The following ZNF573 variants were observed in gnomAD, a reference collection of about 807,000 sequenced individuals.
The protein encoded by ZNF573 is zinc finger protein 573.
In ZNF573, 41 loss-of-function variants were observed where a neutral mutation model predicts 57.4. The observed-to-expected ratio is 0.71, with a 90% CI of 0.56 to 0.93. The LOEUF (loss-of-function observed/expected upper bound fraction) is 0.93. ZNF573 is among the 40% of genes least tolerant of loss of function. The pLI is 0.00. For synonymous variants in ZNF573, 249 were observed against 261.0 expected, an observed-to-expected ratio of 0.95 and a Z score of 0.44; for missense variants, 730 against 794.8, an observed-to-expected ratio of 0.92 and a Z score of 0.98.
At chr19:37,760,447 TA>T (rs2045540099) in intron 4 of ZNF573, among the ~76,000 whole-genome samples, 1 of 152,138 alleles carries the variant, frequency 6.6e-6, no homozygotes, top group African/African-American at 2.4e-5. Flanking sequence ...ACTCATGGAA[TA>T]AAATAAACAT....
intron 4 of ZNF573, among the ~76,000 whole-genome samples, chr19:37,761,635 G>A (rs1334280778): frequency 1.3e-5 from 2 of 152,148 alleles, no homozygotes; most frequent in Admixed American, 6.5e-5. Context: ...CCCCCATTCC[G>A]GAAGGAAGGA....
At chr19:37,747,831 C>A (rs942623516) in intron 4 of ZNF573, among the ~76,000 whole-genome samples, 2 of 152,034 alleles carry the variant, frequency 1.3e-5, no homozygotes, top group Non-Finnish European at 2.9e-5. Flanking sequence ...GGACTACAGG[C>A]GCCTGACACC....
Position 37,738,684 on chromosome 19 carries a change from T to G in ZNF573, c.1806A>C (p.Lys602Asn), listed in dbSNP as rs1233425623. The G allele has an allele frequency of 6.2e-7, 1 of 1,610,508 alleles. No individual in the cohort carries two copies. Among genetic ancestry groups the G allele is most frequent in the East Asian group, 2.2e-5 (1 of 44,780 alleles). ...CATAAGGTTTTCCACCAGTATGAAT[T>G]TTCTGATGTTGGGTAAGGTAGCCAT... is the stretch of plus-strand genomic sequence containing the variant. The part of the protein sequence containing the change: ...KMYGYLTQHQ[K>N]IHTGGKPYEC... The change falls in exon 5 of 5, where the codon AAA (lysine) becomes AAC (asparagine). Residue 602 changes from lysine to asparagine, a missense_variant. Lys to Asn is a moderately conservative substitution (Grantham distance 94, BLOSUM62 0). Transcript: ENST00000536220.
rs1220200742 is a variant in ZNF573 at position 37,739,288 on chromosome 19, A to T, written c.1202T>A (p.Leu401His). 1 of 1,613,930 alleles carries T rather than the reference A, an allele frequency of 6.2e-7. No homozygotes were observed. Among genetic ancestry groups the T allele is most frequent in the Non-Finnish European group, 8.5e-7 (1 of 1,180,012 alleles). Residue 401 changes from leucine to histidine, a missense_variant, in exon 5 of 5, where the codon CTC (leucine) becomes CAC (histidine). Transcript: ENST00000536220. ...AGTATGAGTTTTCTGATGTTGAAAGAGTTTTGAACCAGTAGTATAGGTCTT... is the reference window on the plus strand; with the variant it reads ...AGTATGAGTTTTCTGATGTTGAAAGTGTTTTGAACCAGTAGTATAGGTCTT... Reference protein sequence around the residue: ...CGKTYTTGSKLFQHQKTHTGE... With the variant: ...CGKTYTTGSKHFQHQKTHTGE...
At position 37,740,209 on chromosome 19, in the gene ZNF573, G is replaced by A. The variant is rs1176833738; in HGVS notation, c.296-15C>T. ...TAAATCCAAATCTGAAACAAAAGAG[G>A]ACAACAAAAAAAATTTGTATTTCTA... On this transcript the variant is annotated splice_polypyrimidine_tract_variant and intron_variant, in intron 4 of 4. Transcript: ENST00000536220. The A allele has an allele frequency of 6.6e-7, 1 of 1,526,482 alleles. No individual in the cohort carries two copies. Among genetic ancestry groups the A allele is most frequent in the Admixed American group, 2.3e-5 (1 of 44,220 alleles). The allele number at this position is 1,526,482 out of a possible 1,614,324, so 94.6% of individuals were successfully genotyped here.
Position 37,739,076 on chromosome 19 carries a change from A to C in ZNF573, c.1414T>G (p.Cys472Gly), listed in dbSNP as rs2045293461. 1.2e-6 allele frequency: 2 copies of C among 1,613,056 alleles called. No individual in the cohort carries two copies. The highest frequency in any genetic ancestry group is 1.7e-6 in the Non-Finnish European group (2 of 1,179,736). Residue 472 changes from cysteine to glycine, a missense_variant, in exon 5 of 5, where the codon TGT becomes GGT. Cys to Gly is a radical substitution (Grantham distance 159, BLOSUM62 -3). Coordinates refer to ENST00000536220, the MANE Select transcript of ZNF573 (RefSeq NM_001172690.2). ...NIHTGKKLFECQECGKAYSTG... is the reference protein window; with the variant it reads ...NIHTGKKLFEGQECGKAYSTG... The stretch of plus-strand genomic sequence containing the variant: ...CTATAGGCCTTCCCACATTCCTGAC[A>C]TTCAAAAAGTTTCTTACCAGTGTGA...
chr19:37,764,149 G>A (rs1467542513), intron 4 of ZNF573, among the ~76,000 whole-genome samples: 1 of 151,470 alleles, frequency 6.6e-6, no homozygotes, highest in African/African-American at 2.4e-5. Flanking sequence ...TTGGAGAATT[G>A]GTACTAAGGA....
At chr19:37,773,548 G>A (rs1264401026) in intron 2 of ZNF573, 113 bp downstream of exon 2, 2 of 719,630 alleles carry the variant, frequency 2.8e-6, no homozygotes, top group Non-Finnish European at 4.5e-6. Flanking sequence ...TTAGAAGAAA[G>A]TGGGGACAGA....
Position 37,739,191 on chromosome 19 carries a change from C to T in ZNF573, c.1299G>A (p.Gln433=). The T allele has an allele frequency of 1.1e-5, 17 of 1,612,752 alleles. No individual in the cohort carries two copies. The highest frequency in any genetic ancestry group is 1.4e-5 in the Non-Finnish European group (17 of 1,179,610). ...FSLYGYLKQH[Q]KIHTGMKHFE... ...AGTGTTTCATGCCAGTATGAATTTT[C>T]TGATGTTGTTTAAGGTAGCCATACA... Residue 433 remains glutamine (Q), a synonymous_variant, in exon 5 of 5, where the codon CAG becomes CAA. Coordinates refer to ENST00000536220, the MANE Select transcript of ZNF573 (RefSeq NM_001172690.2).
intron 4 of ZNF573, among the ~76,000 whole-genome samples, chr19:37,745,550 T>C (rs1201960155): frequency 6.6e-6 from 1 of 151,972 alleles, no homozygotes; most frequent in Non-Finnish European, 1.5e-5. Flanking sequence ...TGCTTGCCAC[T>C]ACGCCCAGCT....
chr19:37,779,201 CCACT>C (rs2045740450), intron 1 of ZNF573, among the ~76,000 whole-genome samples: 1 of 152,154 alleles, frequency 6.6e-6, no homozygotes, highest in Non-Finnish European at 1.5e-5. Flanking sequence ...GCAAGCACAG[CCACT>C]CACTCACCTG....
At chr19:37,770,472 A>C (rs954691388) in intron 3 of ZNF573, 69 of 173,806 alleles carry the variant, frequency 4.0e-4, no homozygotes, top group Admixed American at 1.1e-3. Context: ...GGACATAATA[A>C]TACTACTATT....
intron 4 of ZNF573, among the ~76,000 whole-genome samples, chr19:37,761,716 A>G (rs1253036287): frequency 6.6e-6 from 1 of 152,202 alleles, no homozygotes; most frequent in Non-Finnish European, 1.5e-5. Context: ...TCAGGCTATT[A>G]GCATTAGATC....
intron 4 of ZNF573, among the ~76,000 whole-genome samples, chr19:37,761,264 CA>C (rs946538276): frequency 1.3e-5 from 2 of 152,064 alleles, no homozygotes. Context: ...TGGTGGGGAT[CA>C]GGGGGTGTAA....
intron 4 of ZNF573, among the ~76,000 whole-genome samples, chr19:37,763,095 G>A (rs975441875): frequency 1.3e-5 from 2 of 151,864 alleles, no homozygotes; most frequent in African/African-American, 4.8e-5. Context: ...TTAAGTCAGG[G>A]GAGGCCCACA....
At chr19:37,743,580 G>A (rs867505021) in intron 4 of ZNF573, among the ~76,000 whole-genome samples, 2 of 152,144 alleles carry the variant, frequency 1.3e-5, no homozygotes, top group South Asian at 2.1e-4. Flanking sequence ...AGACAGTATG[G>A]CAATTCCTCA....
chr19:37,774,264 A>C (rs1326508067), intron 1 of ZNF573, among the ~76,000 whole-genome samples: 3 of 151,008 alleles, frequency 2.0e-5, no homozygotes, highest in Non-Finnish European at 4.4e-5. Flanking sequence ...CAGCCACCCA[A>C]GTAGCTGGGA....
At chr19:37,740,842 A>C (rs2045320620) in intron 4 of ZNF573, 1 of 285,858 alleles carries the variant, frequency 3.5e-6, no homozygotes, top group Admixed American at 4.9e-5. Flanking sequence ...TTTGCACATA[A>C]CCTATAAACA....
intron 4 of ZNF573, among the ~76,000 whole-genome samples, chr19:37,757,893 G>A (rs1214014191): frequency 6.6e-6 from 1 of 151,904 alleles, no homozygotes; most frequent in Non-Finnish European, 1.5e-5. Context: ...TCCGTTGTAG[G>A]GACATGGATG....
Sources: allele counts gnomAD v4.1 joint callset (sites outside exome capture counted in the v4.1 genomes callset), GRCh38; gene constraint gnomAD v4.1.1; transcripts MANE v1.5; gene names NCBI Gene and HGNC (gene_info 2026-07-23, HGNC 2026-07-21).